Variants in RAPGEF4 observed in about 807,000 individuals in gnomAD.
RAPGEF4 encodes RAP guanine-nucleotide-exchange factor (GEF) 4.
RAPGEF4 carries 66 observed loss-of-function variants against 147.9 expected under a neutral mutation model. That is an observed-to-expected ratio of 0.45 (90% CI 0.37 to 0.55). The LOEUF (loss-of-function observed/expected upper bound fraction) is 0.55. Among genes scored for constraint, RAPGEF4 ranks in the 20% least tolerant of loss-of-function variants. RAPGEF4 has a pLI of 0.00. For synonymous variants in RAPGEF4, 419 were observed against 442.7 expected, an observed-to-expected ratio of 0.95 and a Z score of 0.67; for missense variants, 1,071 against 1,257.3, an observed-to-expected ratio of 0.85 and a Z score of 2.24.
intron 22 of RAPGEF4, among the ~76,000 whole-genome samples, chr2:173,020,161 T>C (rs1695932736): frequency 6.6e-6 from 1 of 152,250 alleles, no homozygotes; most frequent in Non-Finnish European, 1.5e-5. Flanking sequence ...TAGTTAATGC[T>C]ATTGCCCTGC....
intron 2 of RAPGEF4, among the ~76,000 whole-genome samples, chr2:172,796,302 T>A (rs1471025688): frequency 6.6e-6 from 1 of 152,120 alleles, no homozygotes; most frequent in Non-Finnish European, 1.5e-5. Context: ...TAATATTTTG[T>A]GGGCCAGGCA....
At chr2:172,985,365 G>A (rs746548719) in intron 11 of RAPGEF4, 68 bp from the exon 12 acceptor site, 16 of 1,610,152 alleles carry the variant, frequency 9.9e-6, no homozygotes, top group African/African-American at 1.3e-5. Context: ...CCCCCAGAAA[G>A]AGTACAACCC....
At chr2:172,976,241 G>T (rs79135940) in intron 10 of RAPGEF4, among the ~76,000 whole-genome samples, 2,260 of 152,188 alleles carry the variant, frequency 0.015, 70 homozygotes, top group African/African-American at 0.051. Context: ...CTGAGCAGTC[G>T]GAGCTGGGTA....
chr2:172,877,616 T>C (rs1374331343), intron 4 of RAPGEF4, among the ~76,000 whole-genome samples: 8 of 152,032 alleles, frequency 5.3e-5, no homozygotes, highest in Admixed American at 5.2e-4. Context: ...AAACCTTGCT[T>C]TTCTCACTTT....
At chr2:173,024,497 G>A (rs1196839888) in intron 23 of RAPGEF4, among the ~76,000 whole-genome samples, 7 of 140,596 alleles carry the variant, frequency 5.0e-5, no homozygotes, top group African/African-American at 7.4e-5. Context: ...GATTACAGGC[G>A]TGAGCCACCG....
intron 6 of RAPGEF4, among the ~76,000 whole-genome samples, chr2:172,935,634 T>A (rs1173170268): frequency 1.3e-5 from 2 of 152,246 alleles, no homozygotes; most frequent in Non-Finnish European, 2.9e-5. Flanking sequence ...GATGCACTTA[T>A]GAAAATAATG....
intron 4 of RAPGEF4, among the ~76,000 whole-genome samples, chr2:172,896,692 T>C (rs868533748): frequency 1.3e-5 from 2 of 151,458 alleles, no homozygotes; most frequent in African/African-American, 4.9e-5. Flanking sequence ...GAAGGGCACA[T>C]TGGGCTTGGC....
chr2:172,962,383 G>A (rs1689384945), intron 8 of RAPGEF4, among the ~76,000 whole-genome samples: 1 of 152,066 alleles, frequency 6.6e-6, no homozygotes, highest in African/African-American at 2.4e-5. Flanking sequence ...TTACCATGAA[G>A]GATGCATGTC....
intron 1 of RAPGEF4, among the ~76,000 whole-genome samples, chr2:172,790,475 G>A (rs1685695491): frequency 6.6e-6 from 1 of 152,142 alleles, no homozygotes; most frequent in African/African-American, 2.4e-5. Flanking sequence ...GGGACCAGCT[G>A]TTCATCGTTA....
In RAPGEF4 at chr2:172,886,576, T is replaced by C. The variant is rs566964762; in HGVS notation, c.445-31226T>C. Among the ~76,000 whole-genome samples, 18 of 152,338 alleles carry C rather than the reference T, an allele frequency of 1.2e-4. No individual in the cohort carries two copies. In the South Asian group the frequency reaches 2.3e-3, roughly 19 times the overall value. ...TTTGTCCCTTGTCTTGAGAATTTTA[T>C]GTGTTCTTGGGGCAGTACTGTTCAC... On this transcript the variant is annotated intron_variant, in intron 4 of 30. Coordinates refer to ENST00000397081, the MANE Select transcript of RAPGEF4 (RefSeq NM_007023.4).
At chr2:172,751,554 G>A (rs556930584) in intron 1 of RAPGEF4, among the ~76,000 whole-genome samples, 1 of 152,290 alleles carries the variant, frequency 6.6e-6, no homozygotes, top group South Asian at 2.1e-4. Context: ...TAAGAGCAGT[G>A]AAGGAAAATC....
upstream of RAPGEF4, chr2:172,735,467 GA>G (rs1270474305): frequency 1.3e-5 from 2 of 152,250 alleles, no homozygotes; most frequent in African/African-American, 4.8e-5. Flanking sequence ...GGTTTCTAAG[GA>G]AACAGAGAGG....
chr2:172,870,875 A>G (rs914919347), intron 4 of RAPGEF4, among the ~76,000 whole-genome samples: 1 of 152,176 alleles, frequency 6.6e-6, no homozygotes. Flanking sequence ...TAGCTTGGGA[A>G]TATTTTGGCT....
chr2:173,003,940 T>G (rs1162586279), intron 17 of RAPGEF4, among the ~76,000 whole-genome samples: 1 of 152,226 alleles, frequency 6.6e-6, no homozygotes, highest in Non-Finnish European at 1.5e-5. Context: ...GTTTCATTAG[T>G]CAGTTGCTTT....
intron 12 of RAPGEF4, among the ~76,000 whole-genome samples, chr2:172,987,777 A>G (rs564510291): frequency 1.1e-4 from 17 of 152,350 alleles, no homozygotes; most frequent in Admixed American, 1.0e-3. Context: ...CCCCATGGAT[A>G]CGAAGGGACA....
At chr2:172,882,549 G>A (rs1696744370) in intron 4 of RAPGEF4, among the ~76,000 whole-genome samples, 1 of 152,164 alleles carries the variant, frequency 6.6e-6, no homozygotes, top group Non-Finnish European at 1.5e-5. Context: ...AGGAGGAGGA[G>A]GCTGTGTGTT....
chr2:172,976,997 C>T (rs989401038), intron 10 of RAPGEF4, among the ~76,000 whole-genome samples: 4 of 152,196 alleles, frequency 2.6e-5, no homozygotes, highest in African/African-American at 4.8e-5. Flanking sequence ...TGTGGCACCA[C>T]GCAGATTTGT....
chr2:172,805,809 G>A (rs1687437309), intron 3 of RAPGEF4, among the ~76,000 whole-genome samples: 6 of 152,142 alleles, frequency 3.9e-5, no homozygotes, highest in Admixed American at 3.3e-4. Context: ...CTTGGTGCCT[G>A]TGTAACTTAA....
intron 3 of RAPGEF4, among the ~76,000 whole-genome samples, chr2:172,808,932 G>A (rs1276136454): frequency 1.3e-5 from 2 of 152,142 alleles, no homozygotes; most frequent in Non-Finnish European, 1.5e-5. Context: ...CAGCATGGGC[G>A]GCTTCATCGA....
Sources: gnomAD v4.1 joint callset for allele counts (sites outside exome capture counted in the v4.1 genomes callset) on GRCh38, gnomAD v4.1.1 for gene constraint, MANE v1.5 for transcripts, NCBI Gene and HGNC (gene_info 2026-07-23, HGNC 2026-07-21) for gene names.